Variants in DIS3L2 observed in about 807,000 individuals in gnomAD.
DIS3L2 encodes DIS3 like 3'-5' exoribonuclease 2, also known as DIS3-like exonuclease 2.
DIS3L2 carries 34 observed loss-of-function variants against 97.5 expected under a neutral mutation model. That is an observed-to-expected ratio of 0.35 (90% CI 0.27 to 0.46). DIS3L2 has a LOEUF of 0.46. DIS3L2 is among the 20% of genes least tolerant of loss of function. The pLI is 1.00. For synonymous variants in DIS3L2, 435 were observed against 445.2 expected, an observed-to-expected ratio of 0.98 and a Z score of 0.29; for missense variants, 1,038 against 1,146.0, an observed-to-expected ratio of 0.91 and a Z score of 1.36.
intron 13 of DIS3L2, among the ~76,000 whole-genome samples, chr2:232,271,903 TC>T (rs531176261): frequency 1.3e-5 from 2 of 152,178 alleles, no homozygotes; most frequent in Non-Finnish European, 2.9e-5. Flanking sequence ...AGGAAAGCAA[TC>T]CATGGTTATG....
intron 7 of DIS3L2, among the ~76,000 whole-genome samples, chr2:232,132,439 C>T (rs1698247917): frequency 6.6e-6 from 1 of 151,942 alleles, no homozygotes; most frequent in Non-Finnish European, 1.5e-5. Context: ...AACTGTAAAC[C>T]CTGGAAAAAA....
chr2:232,188,143 A>T (rs1284567722), intron 9 of DIS3L2, among the ~76,000 whole-genome samples: 1 of 152,156 alleles, frequency 6.6e-6, no homozygotes, highest in Admixed American at 6.5e-5. Flanking sequence ...CTGTCTCAAA[A>T]AAAAGTGGAG....
intron 14 of DIS3L2, among the ~76,000 whole-genome samples, chr2:232,306,355 T>G (rs1694985322): frequency 6.6e-6 from 1 of 152,186 alleles, no homozygotes; most frequent in Non-Finnish European, 1.5e-5. Flanking sequence ...CATGGCCAGG[T>G]CTTCTGCCTC....
chr2:232,054,034 GA>G (rs1382009687), intron 5 of DIS3L2, among the ~76,000 whole-genome samples: 1 of 152,116 alleles, frequency 6.6e-6, no homozygotes. Context: ...AGGTATGTTC[GA>G]AAAGGGCTTA....
intron 9 of DIS3L2, among the ~76,000 whole-genome samples, chr2:232,189,098 G>A (rs1366601170): frequency 2.6e-5 from 4 of 152,186 alleles, no homozygotes; most frequent in African/African-American, 9.7e-5. Flanking sequence ...AAGTGCTGGC[G>A]AGGGTGCAGA....
At chr2:232,012,628 T>A (rs1468651723) in intron 1 of DIS3L2, among the ~76,000 whole-genome samples, 1 of 152,088 alleles carries the variant, frequency 6.6e-6, no homozygotes, top group African/African-American at 2.4e-5. Flanking sequence ...CTCTTTTCTC[T>A]TTTTTTTCTT....
At chr2:231,971,887 T>C (rs1471829834) in intron 1 of DIS3L2, among the ~76,000 whole-genome samples, 2 of 151,000 alleles carry the variant, frequency 1.3e-5, no homozygotes, top group Admixed American at 1.3e-4. Context: ...GGCCCATCTT[T>C]TTTAAATAAG....
At chr2:232,026,953 G>A (rs1395503646) in intron 4 of DIS3L2, among the ~76,000 whole-genome samples, 1 of 151,878 alleles carries the variant, frequency 6.6e-6, no homozygotes, top group Non-Finnish European at 1.5e-5. Flanking sequence ...TCGTAATATT[G>A]TCTCAGAGAA....
At chr2:232,230,535 G>A (rs527580593) in intron 10 of DIS3L2, among the ~76,000 whole-genome samples, 1 of 152,300 alleles carries the variant, frequency 6.6e-6, no homozygotes, top group South Asian at 2.1e-4. Context: ...TCCCATCATA[G>A]ACTGGGTGGA....
At chr2:232,176,549 T>A (rs867789703) in intron 9 of DIS3L2, among the ~76,000 whole-genome samples, 1 of 151,676 alleles carries the variant, frequency 6.6e-6, no homozygotes, top group African/African-American at 2.4e-5. Context: ...TTTCTTAAGG[T>A]GGAAGTTTAT....
chr2:232,321,558 G>T (rs546637159), intron 14 of DIS3L2, among the ~76,000 whole-genome samples: 11 of 152,296 alleles, frequency 7.2e-5, no homozygotes, highest in African/African-American at 2.6e-4. Context: ...GCGTCTCTGT[G>T]GGGGGTGGGA....
At chr2:232,127,118 A>G (rs1009061595) in intron 6 of DIS3L2, among the ~76,000 whole-genome samples, 3 of 152,174 alleles carry the variant, frequency 2.0e-5, no homozygotes, top group Admixed American at 6.5e-5. Context: ...GCATTTCAAT[A>G]TCCTCTCTCC....
downstream of DIS3L2, among the ~76,000 whole-genome samples, chr2:232,338,363 G>A (rs1696031412): frequency 6.6e-6 from 1 of 152,166 alleles, no homozygotes; most frequent in Non-Finnish European, 1.5e-5. Flanking sequence ...GGAGTAGCCA[G>A]GGGGGTGAAC....
intron 6 of DIS3L2, among the ~76,000 whole-genome samples, chr2:232,122,506 C>T (rs959714466): frequency 1.3e-5 from 2 of 152,128 alleles, no homozygotes; most frequent in African/African-American, 4.8e-5. Flanking sequence ...CACCTAAGGT[C>T]AGGAGTTCAA....
At chr2:232,228,312 T>C (rs983695314) in intron 10 of DIS3L2, among the ~76,000 whole-genome samples, 1 of 152,220 alleles carries the variant, frequency 6.6e-6, no homozygotes, top group African/African-American at 2.4e-5. Context: ...GAAAATATGC[T>C]ACAATTCTGT....
intron 10 of DIS3L2, among the ~76,000 whole-genome samples, chr2:232,236,165 T>C (rs1224118402): frequency 6.6e-6 from 1 of 152,206 alleles, no homozygotes; most frequent in East Asian, 1.9e-4. Context: ...TTTCCTTGCC[T>C]GAACCCCTTT....
At chr2:231,997,635 T>G (rs1693765536) in intron 1 of DIS3L2, among the ~76,000 whole-genome samples, 1 of 152,234 alleles carries the variant, frequency 6.6e-6, no homozygotes, top group Non-Finnish European at 1.5e-5. Context: ...ACAGGTATGA[T>G]TCTATAATTA....
At chr2:232,156,009 C>A (rs1051029521) in intron 8 of DIS3L2, among the ~76,000 whole-genome samples, 8 of 151,696 alleles carry the variant, frequency 5.3e-5, no homozygotes, top group African/African-American at 9.7e-5. Context: ...AAAAAGTTTT[C>A]TATTCCAAAG....
intron 16 of DIS3L2, among the ~76,000 whole-genome samples, chr2:232,331,351 G>T (rs1220409591): frequency 6.6e-6 from 1 of 152,206 alleles, no homozygotes; most frequent in Non-Finnish European, 1.5e-5. Context: ...GGACCCTCGG[G>T]TCAGCGGGAG....
Sources: gnomAD v4.1 joint callset for allele counts (sites outside exome capture counted in the v4.1 genomes callset) on GRCh38, gnomAD v4.1.1 for gene constraint, MANE v1.5 for transcripts, NCBI Gene and HGNC (gene_info 2026-07-23, HGNC 2026-07-21) for gene names.